The following STPG2 variants were observed in gnomAD, a reference collection of about 807,000 sequenced individuals.
The protein encoded by STPG2 is sperm tail PG-rich repeat containing 2.
In STPG2, 56 loss-of-function variants were observed where a neutral mutation model predicts 54.2. The observed-to-expected ratio is 1.03, with a 90% CI of 0.83 to 1.29. The LOEUF is 1.29. Among genes scored for constraint, STPG2 ranks in the 50% most tolerant of loss-of-function variants. The probability of loss-of-function intolerance (pLI) is 0.00; values close to 1 mark genes in which losing one functional copy is unlikely to be tolerated. For synonymous variants in STPG2, 200 were observed against 181.8 expected (o/e 1.10, Z -0.81); for missense variants, 596 against 544.9 (o/e 1.09, Z -0.93).
rs149371963 is a variant in STPG2 at position 97,546,841 on chromosome 4, G to C, written c.462+165858C>G. ...TAAACTGATGAACAGAAAAGCTCTT[G>C]TTCTTGACTTCATCAAGCCAACTTC... On this transcript the variant is annotated intron_variant, in intron 4 of 4. Coordinates refer to the STPG2 transcript ENST00000522676. 3.0e-3 allele frequency among the ~76,000 whole-genome samples: 450 copies of C among 152,256 alleles called. 1 individual carries two copies. Among genetic ancestry groups the C allele is most frequent in the African/African-American group, 0.01 (432 of 41,566 alleles).
chr4:97,854,582 C>T (rs1397248892), intron 8 of STPG2, among the ~76,000 whole-genome samples: 1 of 151,174 alleles, frequency 6.6e-6, no homozygotes, highest in East Asian at 1.9e-4. Context: ...TTTTTAAAAA[C>T]ATGGGGATCG....
At chr4:97,536,225 T>C (rs1327558397) in intron 4 of STPG2, among the ~76,000 whole-genome samples, 1 of 152,160 alleles carries the variant, frequency 6.6e-6, no homozygotes, top group Admixed American at 6.5e-5. Context: ...ATTTCTTGAG[T>C]TCATTGATCT....
At chr4:97,546,482 A>G (rs1468628684) in intron 4 of STPG2, among the ~76,000 whole-genome samples, 1 of 152,138 alleles carries the variant, frequency 6.6e-6, no homozygotes, top group Admixed American at 6.5e-5. Flanking sequence ...AATGACCTAT[A>G]GTGATAGCTG....
intron 5 of STPG2, among the ~76,000 whole-genome samples, chr4:98,000,483 T>C (rs954858080): frequency 6.6e-6 from 1 of 152,130 alleles, no homozygotes; most frequent in African/African-American, 2.4e-5. Flanking sequence ...TCATGATTGA[T>C]TGAATACAGA....
intron 4 of STPG2, among the ~76,000 whole-genome samples, chr4:97,529,106 A>G (rs902386951): frequency 1.3e-5 from 2 of 152,178 alleles, no homozygotes; most frequent in African/African-American, 4.8e-5. Context: ...TCAGTATGAT[A>G]TTGGCTATGG....
At chr4:97,764,037 C>A (rs891697923) in intron 9 of STPG2, among the ~76,000 whole-genome samples, 1 of 151,302 alleles carries the variant, frequency 6.6e-6, no homozygotes, top group Non-Finnish European at 1.5e-5. Flanking sequence ...ATTTGAATTC[C>A]ATGCTCAGAA....
At chr4:97,677,245 G>A (rs1219024264) in intron 10 of STPG2, among the ~76,000 whole-genome samples, 1 of 152,044 alleles carries the variant, frequency 6.6e-6, no homozygotes, top group Non-Finnish European at 1.5e-5. Context: ...ACTCTAAAAT[G>A]GTTTGATGTA....
chr4:97,946,820 T>A (rs1328163751), intron 7 of STPG2, among the ~76,000 whole-genome samples: 1 of 149,494 alleles, frequency 6.7e-6, no homozygotes, highest in Non-Finnish European at 1.5e-5. Flanking sequence ...TGAAGTCCAG[T>A]AATGTGCTGC....
intron 5 of STPG2, among the ~76,000 whole-genome samples, chr4:98,041,093 G>A (rs907816662): frequency 3.3e-5 from 5 of 151,388 alleles, no homozygotes; most frequent in African/African-American, 1.2e-4. Flanking sequence ...TATTTTTGTA[G>A]CTATTGTAAA....
intron 9 of STPG2, among the ~76,000 whole-genome samples, chr4:97,729,718 T>A (rs903298859): frequency 2.0e-5 from 3 of 152,070 alleles, no homozygotes; most frequent in African/African-American, 7.2e-5. Flanking sequence ...TAACAAGGAA[T>A]TAAGGTAAAA....
At chr4:98,104,129 C>T (rs935229152) in intron 5 of STPG2, among the ~76,000 whole-genome samples, 7 of 152,080 alleles carry the variant, frequency 4.6e-5, no homozygotes, top group Admixed American at 6.6e-5. Context: ...CAAACACATG[C>T]AAACATGCAC....
At chr4:97,914,419 A>G (rs184201718) in intron 8 of STPG2, among the ~76,000 whole-genome samples, 1 of 152,286 alleles carries the variant, frequency 6.6e-6, no homozygotes, top group African/African-American at 2.4e-5. Context: ...ATTTTTTTTA[A>G]CTTTTTTTAT....
intron 9 of STPG2, among the ~76,000 whole-genome samples, chr4:97,835,259 A>G (rs1184982105): frequency 1.3e-5 from 2 of 152,142 alleles, no homozygotes; most frequent in African/African-American, 4.8e-5. Flanking sequence ...ACAACAGCTT[A>G]CAAATGCCAT....
chr4:97,808,330 G>A (rs1022755667), intron 9 of STPG2, among the ~76,000 whole-genome samples: 17 of 151,686 alleles, frequency 1.1e-4, no homozygotes, highest in Admixed American at 9.9e-4. Context: ...TGAGGAAAAC[G>A]ATAAACAAAA....
rs1731043839 is a variant in STPG2, at chr4:97,514,903, A to G, written c.462+197796T>C. Among the ~76,000 whole-genome samples, 3 of 152,144 alleles carry G rather than the reference A, an allele frequency of 2.0e-5. No individual in the cohort carries two copies. The South Asian group carries it at 6.2e-4, about 31-fold the overall frequency. On this transcript the variant is annotated intron_variant, in intron 4 of 4. Transcript: ENST00000522676. ...TATATCTTATCTAAAAGTTCATAAA[A>G]TATGATGAATATAAACATTAAAATA... is the stretch of plus-strand genomic sequence containing the variant.
At chr4:97,442,704 A>G (rs920572582) in intron 4 of STPG2, among the ~76,000 whole-genome samples, 2 of 152,172 alleles carry the variant, frequency 1.3e-5, no homozygotes, top group Non-Finnish European at 2.9e-5. Flanking sequence ...AAGCATTTCT[A>G]AGGGCTTATT....
At chr4:97,882,871 A>G (rs1205233589) in intron 8 of STPG2, among the ~76,000 whole-genome samples, 1 of 152,110 alleles carries the variant, frequency 6.6e-6, no homozygotes, top group Non-Finnish European at 1.5e-5. Context: ...AAGCATAATT[A>G]TTGTGTACTT....
chr4:97,729,829 C>CT (rs1221887781), intron 9 of STPG2, among the ~76,000 whole-genome samples: 2 of 151,844 alleles, frequency 1.3e-5, no homozygotes, highest in Non-Finnish European at 2.9e-5. Context: ...TTTAAAGTGC[C>CT]TTTTTTTCCT....
intron 9 of STPG2, among the ~76,000 whole-genome samples, chr4:97,790,078 C>G (rs1249011195): frequency 6.6e-6 from 1 of 152,054 alleles, no homozygotes; most frequent in Non-Finnish European, 1.5e-5. Flanking sequence ...TGTGACTTTG[C>G]ATTTATGTCT....
Sources: allele counts gnomAD v4.1 joint callset (sites outside exome capture counted in the v4.1 genomes callset), GRCh38; gene constraint gnomAD v4.1.1; transcripts MANE v1.5; gene names NCBI Gene and HGNC (gene_info 2026-07-23, HGNC 2026-07-21).